SLC9A6: variants seen among roughly 807,000 people sequenced by gnomAD.
SLC9A6 encodes sodium/hydrogen exchanger 6.
Under a neutral mutation model 45.3 loss-of-function variants are expected in SLC9A6, and 6 were observed. The ratio of observed to expected loss-of-function variants is 0.13; its 90% CI spans 0.07 to 0.26. The LOEUF (loss-of-function observed/expected upper bound fraction) is 0.26. SLC9A6 is among the 10% of genes least tolerant of loss of function. SLC9A6 has a pLI of 1.00. For missense variants in SLC9A6, 278 were observed against 503.7 expected, an observed-to-expected ratio of 0.55 and a Z score of 4.29; for synonymous variants, 191 against 187.7, an observed-to-expected ratio of 1.02 and a Z score of -0.14.
At chrX:136,031,722 A>C (rs782367876) in intron 15 of SLC9A6, among the ~76,000 whole-genome samples, 61 of 111,871 alleles carry the variant, frequency 5.5e-4, no homozygotes, top group African/African-American at 1.5e-3. Flanking sequence ...TTGTTCCTTT[A>C]ATATTTTGAA....
At chrX:136,012,905 A>G in intron 8 of SLC9A6, 44 bp from the exon 9 acceptor site, 1 of 975,261 alleles carries the variant, frequency 1.0e-6, no homozygotes, top group South Asian at 1.9e-5. Flanking sequence ...TTCTAGTCAC[A>G]CTTTTGTGTT....
At position 135,997,398 on chromosome X, in the gene SLC9A6, CTTTTTTT is replaced by C. The variant is rs1180028983; in HGVS notation, c.370-689_370-683del. The stretch of plus-strand genomic sequence containing the variant: ...AGCGAAAGTAATGTTCATGCTTTCT[CTTTTTTT>C]TTTTTTTTTTTTTTTTTTTTGAGAC... On this transcript the variant is annotated intron_variant, in intron 3 of 17. Coordinates refer to ENST00000630721, the MANE Select transcript of SLC9A6 (RefSeq NM_001379110.1). Among the ~76,000 whole-genome samples, 98 of 63,302 alleles carry C rather than the reference CTTTTTTT, an allele frequency of 1.5e-3. 1 individual carries two copies. The highest frequency in any genetic ancestry group is 5.7e-3 in the African/African-American group (87 of 15,142). 55.0% of individuals were successfully genotyped at this position (63,302 alleles called of 115,157 possible). A position where few individuals can be genotyped will look rare whatever the true frequency, so the allele number is the denominator to read the frequency against.
At chrX:136,017,946 G>A (rs2071051734) in intron 11 of SLC9A6, among the ~76,000 whole-genome samples, 1 of 111,525 alleles carries the variant, frequency 9.0e-6, no homozygotes, top group African/African-American at 3.3e-5. Flanking sequence ...GTCAGCAAGA[G>A]GCTTCTATTC....
At chrX:136,018,804 T>G (rs782002471) in intron 11 of SLC9A6, among the ~76,000 whole-genome samples, 1 of 110,865 alleles carries the variant, frequency 9.0e-6, no homozygotes. Flanking sequence ...TTTTTTTAAT[T>G]AAAACTCTAG....
chrX:136,033,504 T>C lies in SLC9A6; in HGVS notation c.1661+11T>C, dbSNP rs1259125207. The C allele has an allele frequency of 1.9e-6, 2 of 1,058,878 alleles. No homozygotes were observed. Among genetic ancestry groups the C allele is most frequent in the Non-Finnish European group, 2.6e-6 (2 of 767,551 alleles). 87.3% of individuals were successfully genotyped at this position (1,058,878 alleles called of 1,213,427 possible). On this transcript the variant is annotated intron_variant, in intron 16 of 17. Coordinates refer to ENST00000630721, the MANE Select transcript of SLC9A6 (RefSeq NM_001379110.1). ...CAACTTTGATCATAAGTATCCTTAATTGAGGGAAAAAAAAAAAGGATAATG... is the reference window on the plus strand; with the variant it reads ...CAACTTTGATCATAAGTATCCTTAACTGAGGGAAAAAAAAAAAGGATAATG...
rs1163397625 is a variant in SLC9A6, at chrX:135,997,542, G to A, written c.370-566G>A. 6.0e-5 allele frequency among the ~76,000 whole-genome samples: 6 copies of A among 99,549 alleles called. No homozygotes were observed. In the Admixed American group the frequency reaches 6.7e-4, roughly 11 times the overall value. 86.4% of individuals were successfully genotyped at this position (99,549 alleles called of 115,157 possible). A position where few individuals can be genotyped will look rare whatever the true frequency, so the allele number is the denominator to read the frequency against. On this transcript the variant is annotated intron_variant, in intron 3 of 17. Transcript: ENST00000630721. Reference sequence around the variant, plus strand: ...CCTGCCTCAGCCTCCTGAGTAGCTGGGATTACAGGCACACGCCACCACACC... The same window carrying A: ...CCTGCCTCAGCCTCCTGAGTAGCTGAGATTACAGGCACACGCCACCACACC...
chrX:136,022,799 C>A, intron 12 of SLC9A6, 102 bp downstream of exon 12: 1 of 418,410 alleles, frequency 2.4e-6, no homozygotes, highest in Non-Finnish European at 4.3e-6. Context: ...ATATAATACT[C>A]CTTTATTTTT....
intron 11 of SLC9A6, among the ~76,000 whole-genome samples, chrX:136,019,862 A>G (rs1437132654): frequency 8.9e-6 from 1 of 111,754 alleles, no homozygotes; most frequent in Non-Finnish European, 1.9e-5. Flanking sequence ...TTTAGTTGTC[A>G]TGTCCCCTTA....
chrX:136,007,881 A>G (rs1216179907), intron 7 of SLC9A6, among the ~76,000 whole-genome samples: 1 of 110,830 alleles, frequency 9.0e-6, no homozygotes, highest in Non-Finnish European at 1.9e-5. Flanking sequence ...CCTTGTAAAT[A>G]TTTCTGTAGG....
intron 13 of SLC9A6, among the ~76,000 whole-genome samples, chrX:136,026,318 G>A (rs1477980077): frequency 7.2e-5 from 8 of 111,604 alleles, no homozygotes; most frequent in African/African-American, 2.6e-4. Context: ...GATGAATTCT[G>A]TGATCTTTGG....
chrX:136,012,396 C>A (rs2070940573), intron 8 of SLC9A6, among the ~76,000 whole-genome samples: 1 of 112,453 alleles, frequency 8.9e-6, no homozygotes, highest in Admixed American at 9.4e-5. Context: ...TAGATTCTAG[C>A]CTGAGATTGG....
At chrX:136,007,494 A>C (rs1333012552) in intron 7 of SLC9A6, among the ~76,000 whole-genome samples, 1 of 111,927 alleles carries the variant, frequency 8.9e-6, no homozygotes, top group Non-Finnish European at 1.9e-5. Flanking sequence ...TTTTATCACT[A>C]TTTATGATAA....
intron 13 of SLC9A6, among the ~76,000 whole-genome samples, chrX:136,025,499 T>G (rs1556620474): frequency 8.9e-6 from 1 of 112,618 alleles, no homozygotes; most frequent in African/African-American, 3.2e-5. Context: ...TAAATCACAC[T>G]TTGAATGTTG....
At chrX:135,997,398 C>CTTTTT (rs1180028983) in intron 3 of SLC9A6, among the ~76,000 whole-genome samples, 5 of 63,304 alleles carry the variant, frequency 7.9e-5, no homozygotes, top group Admixed American at 1.8e-4. Context: ...CATGCTTTCT[C>CTTTTT]TTTTTTTTTT....
intron 11 of SLC9A6, among the ~76,000 whole-genome samples, chrX:136,018,466 A>T (rs1556619561): frequency 8.9e-6 from 1 of 112,256 alleles, no homozygotes; most frequent in Non-Finnish European, 1.9e-5. Flanking sequence ...GTGCAATGAA[A>T]ACAGAAGGAC....
At chrX:136,012,576 A>T (rs1371075542) in intron 8 of SLC9A6, among the ~76,000 whole-genome samples, 4 of 112,906 alleles carry the variant, frequency 3.5e-5, no homozygotes, top group African/African-American at 1.3e-4. Flanking sequence ...ATTTTTATAA[A>T]TGTAAATTGC....
chrX:136,041,051 G>T (rs114206653), intron 17 of SLC9A6, among the ~76,000 whole-genome samples: 1,486 of 111,065 alleles, frequency 0.013, 8 homozygotes, highest in African/African-American at 0.024. Flanking sequence ...AATTGGGGAG[G>T]TGGAGGTTGT....
rs1236087316 is a variant in SLC9A6 at position 136,046,257 on chromosome X, C to T, written c.*1533C>T. 3 of 112,294 alleles carry T rather than the reference C, an allele frequency of 2.7e-5. No individual in the cohort carries two copies. The highest frequency in any genetic ancestry group is 5.6e-5 in the Non-Finnish European group (3 of 53,205). 9.3% of individuals were successfully genotyped at this position (112,294 alleles called of 1,213,427 possible). ...CTGAACAAAACATGTACTTACTCTC[C>T]GAAAGGCATCTATCTGTGCTATTGC... On this transcript the variant is annotated 3_prime_UTR_variant, in exon 18 of 18. Transcript: ENST00000630721.
At chrX:136,009,731 G>GAGTTCAA (rs2070882703) in intron 7 of SLC9A6, among the ~76,000 whole-genome samples, 1 of 112,163 alleles carries the variant, frequency 8.9e-6, no homozygotes, top group Non-Finnish European at 1.9e-5. Context: ...TTTGGACTGT[G>GAGTTCAA]AGTTCAAGAT....
Sources: gnomAD v4.1 joint callset for allele counts (sites outside exome capture counted in the v4.1 genomes callset) on GRCh38, gnomAD v4.1.1 for gene constraint, MANE v1.5 for transcripts, NCBI Gene and HGNC (gene_info 2026-07-23, HGNC 2026-07-21) for gene names.